The following NFATC2 variants were observed in gnomAD, a reference collection of about 807,000 sequenced individuals.
NFATC2 encodes nuclear factor of activated T cells 2.
In NFATC2, 22 loss-of-function variants were observed where a neutral mutation model predicts 87.3. That is an observed-to-expected ratio of 0.25 (90% CI 0.18 to 0.36). The LOEUF is 0.36. Ranked by LOEUF, NFATC2 falls within the 10% of genes least tolerant of loss-of-function variation. NFATC2 has a pLI of 1.00. For missense variants in NFATC2, 1,149 were observed against 1,259.1 expected, an observed-to-expected ratio of 0.91 and a Z score of 1.32; for synonymous variants, 565 against 542.2, an observed-to-expected ratio of 1.04 and a Z score of -0.58.
At chr20:51,526,479 C>T (rs969829810) in intron 1 of NFATC2, among the ~76,000 whole-genome samples, 9 of 152,146 alleles carry the variant, frequency 5.9e-5, no homozygotes, top group Admixed American at 3.9e-4. Flanking sequence ...GTGTTGGGCC[C>T]GTGTCACTGT....
intron 1 of NFATC2, among the ~76,000 whole-genome samples, chr20:51,560,843 C>G (rs753744294): frequency 5.3e-5 from 8 of 152,164 alleles, no homozygotes; most frequent in Non-Finnish European, 7.3e-5. Flanking sequence ...GAAACCTTAG[C>G]AGAACTAGTT....
chr20:51,522,460 G>A (rs1423828908), intron 2 of NFATC2, among the ~76,000 whole-genome samples: 2 of 152,152 alleles, frequency 1.3e-5, no homozygotes, highest in East Asian at 1.9e-4. Context: ...AGTGAGTGGC[G>A]GAGGCAGGAC....
chr20:51,497,055 C>T (rs2076000612), intron 3 of NFATC2, among the ~76,000 whole-genome samples: 1 of 152,186 alleles, frequency 6.6e-6, no homozygotes, highest in Non-Finnish European at 1.5e-5. Context: ...TGCAAAGCCC[C>T]ACACTGAGAA....
chr20:51,425,953 G>A (rs1203125523), intron 9 of NFATC2, among the ~76,000 whole-genome samples: 4 of 152,072 alleles, frequency 2.6e-5, no homozygotes, highest in Non-Finnish European at 1.5e-5. Context: ...AGCCCCCGGC[G>A]AGGACATCAT....
chr20:51,551,932 G>C (rs949971946), intron 1 of NFATC2, among the ~76,000 whole-genome samples: 12 of 151,972 alleles, frequency 7.9e-5, no homozygotes, highest in African/African-American at 1.7e-4. Flanking sequence ...GAGGCTGAGG[G>C]AGGAGAATGG....
At chr20:51,398,426 C>T (rs1987546465) in intron 10 of NFATC2, among the ~76,000 whole-genome samples, 1 of 152,080 alleles carries the variant, frequency 6.6e-6, no homozygotes, top group Non-Finnish European at 1.5e-5. Context: ...AATGGGGCCT[C>T]ATCCCCCCTT....
Position 51,432,058 on chromosome 20 carries a change from G to A in NFATC2, c.2722+9C>T, listed in dbSNP as rs983616300. 6.6e-7 allele frequency: 1 copy of A among 1,512,498 alleles called. No individual in the cohort carries two copies. Among genetic ancestry groups the A allele is most frequent in the South Asian group, 1.3e-5 (1 of 74,510 alleles). 93.7% of individuals were successfully genotyped at this position (1,512,498 alleles called of 1,614,324 possible). A position where few individuals can be genotyped will look rare whatever the true frequency, so the allele number is the denominator to read the frequency against. On this transcript the variant is annotated intron_variant, in intron 9 of 10. Transcript: ENST00000371564. The surrounding 1 kb of genome is among the most constrained non-coding windows in gnomAD (Gnocchi z 4.6). ...CCTTACAGGCAGTGACAAAACTCAA[G>A]CGTCTTACCATCATCCAAGTAGGTC...
chr20:51,538,568 G>T (rs7264546), intron 1 of NFATC2, among the ~76,000 whole-genome samples: 40 of 152,194 alleles, frequency 2.6e-4, no homozygotes, highest in African/African-American at 9.4e-4. Flanking sequence ...ACAATTAGAG[G>T]CAGTAGCTCA....
intron 3 of NFATC2, among the ~76,000 whole-genome samples, chr20:51,510,006 C>G (rs146940743): frequency 6.6e-6 from 1 of 152,182 alleles, no homozygotes; most frequent in Non-Finnish European, 1.5e-5. Flanking sequence ...AACAGAGCTA[C>G]CCATGTTTTT....
intron 1 of NFATC2, among the ~76,000 whole-genome samples, chr20:51,561,519 GCAAGCAAGCAAA>G (rs1366161621): frequency 7.4e-6 from 1 of 134,336 alleles, no homozygotes; most frequent in Non-Finnish European, 1.6e-5. Flanking sequence ...AAGCAAGCAA[GCAAGCAAGCAAA>G]AGCCTCTCAG....
intron 6 of NFATC2, among the ~76,000 whole-genome samples, chr20:51,440,817 T>C (rs1378248450): frequency 6.6e-6 from 1 of 152,194 alleles, no homozygotes; most frequent in Non-Finnish European, 1.5e-5. Flanking sequence ...TCCAGGAGGC[T>C]GGTCTCTAAG....
chr20:51,556,352 A>G (rs1355530214), intron 1 of NFATC2, among the ~76,000 whole-genome samples: 2 of 152,212 alleles, frequency 1.3e-5, no homozygotes, highest in African/African-American at 4.8e-5. Flanking sequence ...CACCAGACAC[A>G]CACACACCCC....
chr20:51,412,990 C>CCCA (rs1444357353), intron 9 of NFATC2, among the ~76,000 whole-genome samples: 6 of 27,782 alleles, frequency 2.2e-4, no homozygotes, highest in African/African-American at 8.7e-4. Flanking sequence ...ATCCCCCGCT[C>CCCA]CCGCCGCCCC....
intron 5 of NFATC2, among the ~76,000 whole-genome samples, chr20:51,460,898 A>G (rs970130365): frequency 6.6e-6 from 1 of 152,116 alleles, no homozygotes; most frequent in Non-Finnish European, 1.5e-5. Context: ...CCCAGGCCAC[A>G]TCCCTCACCC....
intron 10 of NFATC2, among the ~76,000 whole-genome samples, chr20:51,394,950 T>C (rs1176069280): frequency 6.6e-6 from 1 of 152,200 alleles, no homozygotes; most frequent in Non-Finnish European, 1.5e-5. Context: ...GTAGCCCCAC[T>C]CGTGCATGGC....
At chr20:51,486,966 T>A (rs1989761028) in intron 3 of NFATC2, among the ~76,000 whole-genome samples, 1 of 152,130 alleles carries the variant, frequency 6.6e-6, no homozygotes, top group Non-Finnish European at 1.5e-5. Context: ...GAGATTGAAT[T>A]GAAAGCACAG....
chr20:51,523,552 C>G lies in NFATC2; in HGVS notation c.689G>C (p.Ser230Thr). 1 of 1,613,630 alleles carries G rather than the reference C, an allele frequency of 6.2e-7. No individual in the cohort carries two copies. Among genetic ancestry groups the G allele is most frequent in the Non-Finnish European group, 8.5e-7 (1 of 1,179,760 alleles). ...MSPRTSLAED[S>T]CLGRHSPVPR... ...CACGGGCGAGTGGCGGCCCAGGCAGCTGTCCTCGGCGAGGCTGGTTCGAGG... is the reference window on the plus strand; with the variant it reads ...CACGGGCGAGTGGCGGCCCAGGCAGGTGTCCTCGGCGAGGCTGGTTCGAGG... The change falls in exon 2 of 11, where the codon AGC (serine) becomes ACC (threonine). Residue 230 changes from serine (S) to threonine (T), a missense_variant. Ser to Thr is a moderately conservative substitution (Grantham distance 58, BLOSUM62 1). Coordinates refer to ENST00000371564, the MANE Select transcript of NFATC2 (RefSeq NM_012340.5). The surrounding 1 kb of genome is among the most constrained non-coding windows in gnomAD (Gnocchi z 6.9).
intron 10 of NFATC2, 102 bp from the exon 11 acceptor site, chr20:51,391,553 T>C (rs896243072): frequency 7.9e-7 from 1 of 1,260,960 alleles, no homozygotes; most frequent in African/African-American, 1.5e-5. Context: ...ATTGGGCTAT[T>C]GATTTTTGAG....
intron 9 of NFATC2, among the ~76,000 whole-genome samples, chr20:51,419,970 T>C (rs1460464725): frequency 1.3e-5 from 2 of 151,100 alleles, no homozygotes; most frequent in African/African-American, 4.9e-5. Flanking sequence ...ATTAAAATCT[T>C]AAAACACCAA....
Sources: allele counts gnomAD v4.1 joint callset (sites outside exome capture counted in the v4.1 genomes callset), GRCh38; gene constraint gnomAD v4.1.1; non-coding constraint Gnocchi (gnomAD v3.1); transcripts MANE v1.5; gene names NCBI Gene and HGNC (gene_info 2026-07-23, HGNC 2026-07-21).